USH2A: variants seen among roughly 807,000 people sequenced by gnomAD.
The protein encoded by USH2A is Usher syndrome 2A (autosomal recessive, mild).
Under a neutral mutation model 538.9 loss-of-function variants are expected in USH2A, and 443 were observed. That is an observed-to-expected ratio of 0.82 (90% CI 0.76 to 0.89). The LOEUF is 0.89. Ranked by LOEUF, USH2A falls within the 40% of genes least tolerant of loss-of-function variation. The pLI, the probability that USH2A is intolerant of heterozygous loss-of-function variation, is 0.00. For missense variants in USH2A, 6,633 were observed against 6,324.8 expected (o/e 1.05, Z -1.65); for synonymous variants, 2,413 against 2,273.5 (o/e 1.06, Z -1.75).
intron 64 of USH2A, among the ~76,000 whole-genome samples, chr1:215,668,590 A>G (rs1657704741): frequency 6.6e-6 from 1 of 152,220 alleles, no homozygotes. Flanking sequence ...GCCGATAGTA[A>G]CAGTTACAAA....
Position 216,325,021 on chromosome 1 carries a change from C to T in USH2A, c.1143+284G>A, listed in dbSNP as rs145924232. On this transcript the variant is annotated intron_variant, in intron 6 of 71. Transcript: ENST00000307340. The stretch of plus-strand genomic sequence containing the variant: ...AGAAAGAAAAGGGATAATTGATGCT[C>T]ACAGAGAAACAAGGAAGGACACCAT... 9.7e-3 allele frequency among the ~76,000 whole-genome samples: 1,471 copies of T among 152,168 alleles called. 20 individuals carry two copies. Among genetic ancestry groups the T allele is most frequent in the South Asian group, 0.026 (126 of 4,822 alleles).
chr1:216,363,447 G>C (rs2038534525), intron 4 of USH2A, among the ~76,000 whole-genome samples: 1 of 151,992 alleles, frequency 6.6e-6, no homozygotes, highest in Non-Finnish European at 1.5e-5. Flanking sequence ...GTGAGGAAAT[G>C]GGATATGAAT....
intron 61 of USH2A, among the ~76,000 whole-genome samples, chr1:215,718,428 G>A (rs1462974432): frequency 1.3e-5 from 2 of 152,182 alleles, no homozygotes; most frequent in East Asian, 3.8e-4. Flanking sequence ...GGGAACACTA[G>A]AGAAGTTATC....
At chr1:215,930,317 T>C (rs1014353771) in intron 38 of USH2A, among the ~76,000 whole-genome samples, 5 of 152,046 alleles carry the variant, frequency 3.3e-5, no homozygotes, top group African/African-American at 1.2e-4. Context: ...AACTATGCCC[T>C]TTTATGCTTC....
At chr1:216,339,999 A>G (rs1396331617) in intron 4 of USH2A, among the ~76,000 whole-genome samples, 2 of 152,078 alleles carry the variant, frequency 1.3e-5, no homozygotes, top group Admixed American at 1.3e-4. Context: ...GCAGAACTGA[A>G]GGAGAGAGAG....
At chr1:216,007,976 T>A (rs1397530484) in intron 32 of USH2A, among the ~76,000 whole-genome samples, 1 of 152,218 alleles carries the variant, frequency 6.6e-6, no homozygotes. Flanking sequence ...TGCCACATAC[T>A]CAACCAGCAC....
rs762246724 is a variant in USH2A at position 216,072,879 on chromosome 1, A to G, written c.5857+10T>C. 3 of 1,611,798 alleles carry G rather than the reference A, an allele frequency of 1.9e-6. No homozygotes were observed. The highest frequency in any genetic ancestry group is 2.5e-6 in the Non-Finnish European group (3 of 1,177,982). ...TGTGTGCACATATGCATTTGAAGAT[A>G]AGTATTTACCTGCTCCTGTTGTACG... On this transcript the variant is annotated intron_variant, in intron 29 of 71. Transcript: ENST00000307340.
chr1:216,270,754 G>A (rs903676086), intron 11 of USH2A, among the ~76,000 whole-genome samples: 5 of 151,524 alleles, frequency 3.3e-5, no homozygotes, highest in African/African-American at 1.2e-4. Context: ...CTGCTGCCTA[G>A]GCTGGAGTGC....
chr1:216,006,873 T>A (rs1281652438), intron 32 of USH2A, among the ~76,000 whole-genome samples: 2 of 152,180 alleles, frequency 1.3e-5, no homozygotes, highest in Non-Finnish European at 2.9e-5. Context: ...ACCCTATATG[T>A]TTTCTGCATT....
chr1:215,723,064 T>C lies in USH2A; in HGVS notation c.12066+4966A>G, dbSNP rs979357597. On this transcript the variant is annotated intron_variant, in intron 61 of 71. Transcript: ENST00000307340. ...TTCTTTCCTGACACCGCACAATTCA[T>C]CACAGAGCTAATTGGGAAGGGAGTT... Among the ~76,000 whole-genome samples the C allele has an allele frequency of 2.0e-5, 3 of 152,104 alleles. No individual in the cohort carries two copies. The South Asian group carries it at 6.2e-4, about 32-fold the overall frequency.
intron 11 of USH2A, among the ~76,000 whole-genome samples, chr1:216,275,707 T>C (rs1482617373): frequency 2.0e-5 from 3 of 152,178 alleles, no homozygotes; most frequent in Non-Finnish European, 2.9e-5. Context: ...ATCTCTGTTA[T>C]ACATTAAGCA....
intron 60 of USH2A, among the ~76,000 whole-genome samples, chr1:215,737,451 T>C (rs971007456): frequency 6.6e-6 from 1 of 151,972 alleles, no homozygotes; most frequent in Admixed American, 6.6e-5. Context: ...ATCAACTTGA[T>C]GAAGTGTTCC....
chr1:216,320,867 T>C (rs1246827654), intron 9 of USH2A, among the ~76,000 whole-genome samples: 1 of 152,142 alleles, frequency 6.6e-6, no homozygotes, highest in Admixed American at 6.5e-5. Context: ...CAATCCATCA[T>C]TTATCACTAC....
At chr1:215,890,152 C>T (rs1665172195) in intron 40 of USH2A, among the ~76,000 whole-genome samples, 1 of 152,102 alleles carries the variant, frequency 6.6e-6, no homozygotes, top group South Asian at 2.1e-4. Context: ...CTATAAATTG[C>T]TAAAACAGAT....
At chr1:215,906,150 C>T (rs1293910889) in intron 38 of USH2A, among the ~76,000 whole-genome samples, 1 of 151,982 alleles carries the variant, frequency 6.6e-6, no homozygotes, top group African/African-American at 2.4e-5. Flanking sequence ...TGCAGATGTG[C>T]TAACAAATGG....
chr1:215,782,032 C>T lies in USH2A; in HGVS notation c.10740+10G>A, dbSNP rs1302228666. On this transcript the variant is annotated intron_variant, in intron 54 of 71. Coordinates refer to ENST00000307340, the MANE Select transcript of USH2A (RefSeq NM_206933.4). The stretch of plus-strand genomic sequence containing the variant: ...CCCCTTTTCCCAGAGTTTAGGCAAA[C>T]TCCTCTTACCTTGCTACTGGTGGCA... 2 of 1,613,866 alleles carry T rather than the reference C, an allele frequency of 1.2e-6. No homozygotes were observed. Among genetic ancestry groups the T allele is most frequent in the East Asian group, 2.2e-5 (1 of 44,864 alleles).
chr1:215,744,956 T>A (rs77118263), intron 58 of USH2A, among the ~76,000 whole-genome samples: 6 of 152,194 alleles, frequency 3.9e-5, no homozygotes, highest in Admixed American at 2.6e-4. Context: ...GCTTTCTATC[T>A]TTCCGGTATT....
At chr1:216,226,591 G>A (rs1221358238) in intron 14 of USH2A, among the ~76,000 whole-genome samples, 2 of 152,194 alleles carry the variant, frequency 1.3e-5, no homozygotes, top group Non-Finnish European at 2.9e-5. Flanking sequence ...ATCACTGACA[G>A]TGGTACATTC....
chr1:215,675,231 T>A lies in USH2A; in HGVS notation c.12680A>T (p.Asp4227Val), dbSNP rs748493589. 6.2e-7 allele frequency: 1 copy of A among 1,614,200 alleles called. No homozygotes were observed. Among genetic ancestry groups the A allele is most frequent in the South Asian group, 1.1e-5 (1 of 91,084 alleles). Residue 4227 changes from aspartate (D) to valine (V), a missense_variant, in exon 63 of 72, where the codon GAC becomes GTC. Asp to Val is a radical substitution (Grantham distance 152, BLOSUM62 -3). Coordinates refer to ENST00000307340, the MANE Select transcript of USH2A (RefSeq NM_206933.4). The part of the protein sequence containing the change: ...NTERNTFMYN[D>V]TGLQPWTQCE... Reference sequence around the variant, plus strand: ...CTGCGTCCATGGTTGCAAACCTGTGTCATTATACATAAATGTATTCCTTTC... The same window carrying A: ...CTGCGTCCATGGTTGCAAACCTGTGACATTATACATAAATGTATTCCTTTC...
Sources: allele counts gnomAD v4.1 joint callset (sites outside exome capture counted in the v4.1 genomes callset), GRCh38; gene constraint gnomAD v4.1.1; transcripts MANE v1.5; gene names NCBI Gene and HGNC (gene_info 2026-07-23, HGNC 2026-07-21).